Variants in PIK3C3 observed in about 807,000 individuals in gnomAD.
The protein encoded by PIK3C3 is PI3-kinase type 3.
PIK3C3 carries 95 observed loss-of-function variants against 126.1 expected under a neutral mutation model. The ratio of observed to expected loss-of-function variants is 0.75; its 90% CI spans 0.64 to 0.89. The LOEUF (loss-of-function observed/expected upper bound fraction) is 0.89, where lower values mean the gene tolerates loss of function less well. PIK3C3 is among the 40% of genes least tolerant of loss of function. The pLI is 0.00. For synonymous variants in PIK3C3, 374 were observed against 360.0 expected (o/e 1.04, Z -0.44); for missense variants, 829 against 1,063.2 (o/e 0.78, Z 3.06).
intron 10 of PIK3C3, among the ~76,000 whole-genome samples, chr18:42,009,886 G>A (rs1982739098): frequency 6.6e-6 from 1 of 152,020 alleles, no homozygotes. Flanking sequence ...GTAGTCAAGG[G>A]TCTTGCCTTG....
chr18:42,017,624 A>G (rs185001127), intron 12 of PIK3C3, among the ~76,000 whole-genome samples: 1 of 152,262 alleles, frequency 6.6e-6, no homozygotes, highest in African/African-American at 2.4e-5. Context: ...AAGCTCTTCA[A>G]TTAAGTAAAT....
chr18:42,043,264 T>TTTG, intron 19 of PIK3C3, among the ~76,000 whole-genome samples: 3 of 151,962 alleles, frequency 2.0e-5, no homozygotes, highest in Non-Finnish European at 1.5e-5. Flanking sequence ...ACGCTAATTT[T>TTTG]TGTATTTTAG....
chr18:42,002,017 A>G (rs1982314446), intron 9 of PIK3C3, among the ~76,000 whole-genome samples: 1 of 152,204 alleles, frequency 6.6e-6, no homozygotes. Context: ...GGAAGTGGAC[A>G]GCTGTCCTTG....
intron 4 of PIK3C3, among the ~76,000 whole-genome samples, chr18:41,981,669 G>A (rs549810609): frequency 6.6e-6 from 1 of 151,812 alleles, no homozygotes; most frequent in African/African-American, 2.4e-5. Flanking sequence ...ATAAATTACG[G>A]CATAGCTTGG....
chr18:41,978,016 C>T (rs1049846690), intron 4 of PIK3C3, among the ~76,000 whole-genome samples: 2 of 152,168 alleles, frequency 1.3e-5, no homozygotes, highest in African/African-American at 4.8e-5. Flanking sequence ...GGCTGGAGTG[C>T]AGTGGCACAC....
chr18:42,070,081 T>C (rs1317754837), intron 24 of PIK3C3, among the ~76,000 whole-genome samples: 1 of 152,214 alleles, frequency 6.6e-6, no homozygotes, highest in Non-Finnish European at 1.5e-5. Context: ...AGGTGTTCTC[T>C]GCATGGACTA....
At chr18:42,011,259 G>T (rs1317215450) in intron 10 of PIK3C3, among the ~76,000 whole-genome samples, 2 of 152,202 alleles carry the variant, frequency 1.3e-5, no homozygotes, top group African/African-American at 2.4e-5. Context: ...ATGGTTGTGA[G>T]AGTCTTAGAT....
intron 11 of PIK3C3, among the ~76,000 whole-genome samples, chr18:42,014,726 C>G (rs1406865966): frequency 6.6e-6 from 1 of 152,102 alleles, no homozygotes; most frequent in Non-Finnish European, 1.5e-5. Context: ...TCAGTCCAGT[C>G]ATTTAAATTA....
At chr18:42,025,506 T>G (rs1015025341) in intron 13 of PIK3C3, 1 of 152,282 alleles carries the variant, frequency 6.6e-6, no homozygotes, top group Non-Finnish European at 1.5e-5. Context: ...TTTAAGTGAT[T>G]CAAACATTTG....
chr18:42,043,845 T>TAAAG, intron 20 of PIK3C3, 28 bp downstream of exon 20: 1 of 1,486,518 alleles, frequency 6.7e-7, no homozygotes, highest in Non-Finnish European at 9.4e-7. Context: ...TTACTTTCCA[T>TAAAG]TGATCAGATA....
intron 22 of PIK3C3, among the ~76,000 whole-genome samples, chr18:42,064,066 C>G (rs1016836453): frequency 6.6e-6 from 1 of 152,132 alleles, no homozygotes; most frequent in Non-Finnish European, 1.5e-5. Context: ...AACATTTGTT[C>G]TCTTTGGAGG....
chr18:41,964,110 T>C (rs1980235670), intron 3 of PIK3C3, among the ~76,000 whole-genome samples: 2 of 152,168 alleles, frequency 1.3e-5, no homozygotes, highest in Non-Finnish European at 2.9e-5. Context: ...TATATTAAAA[T>C]CTTTGATTTA....
chr18:42,015,334 ACT>A, intron 11 of PIK3C3, 140 bp from the exon 12 acceptor site: 1 of 616,970 alleles, frequency 1.6e-6, no homozygotes, highest in Admixed American at 2.7e-5. Context: ...GTACAATGTG[ACT>A]CTAGTGTTGC....
chr18:42,046,560 A>G lies in PIK3C3; in HGVS notation c.2188+2743A>G, dbSNP rs571395191. Among the ~76,000 whole-genome samples the G allele has an allele frequency of 2.0e-5, 3 of 152,274 alleles. No individual in the cohort carries two copies. The East Asian group carries it at 5.8e-4, about 29-fold the overall frequency. Reference sequence around the variant, plus strand: ...TTTGTATCTCACATGGAATAAAAAAACTAACAACATTGTTTTGACAAGATT... The same window carrying G: ...TTTGTATCTCACATGGAATAAAAAAGCTAACAACATTGTTTTGACAAGATT... On this transcript the variant is annotated intron_variant, in intron 20 of 24. Transcript: ENST00000262039.
intron 4 of PIK3C3, chr18:41,970,792 T>C: frequency 2.3e-6 from 1 of 433,642 alleles, no homozygotes; most frequent in African/African-American, 2.0e-5. Context: ...ACTTACTATC[T>C]GTATGGATTT....
rs551421651 is a variant in PIK3C3 at position 41,993,140 on chromosome 18, G to T, written c.715-130G>T. 1.3e-5 allele frequency: 7 copies of T among 536,984 alleles called. No homozygotes were observed. In the Admixed American group the frequency reaches 2.5e-4, roughly 19 times the overall value. The allele number at this position is 536,984 out of a possible 1,614,324, so 33.3% of individuals were successfully genotyped here. ...GCATTTTATAATATTGTTAGAAGAA[G>T]ATAAGGATTTCTTTAAAGGGAAGAA... On this transcript the variant is annotated intron_variant, in intron 6 of 24. Transcript: ENST00000262039.
chr18:42,040,812 T>C, intron 19 of PIK3C3, 71 bp downstream of exon 19: 3 of 1,009,846 alleles, frequency 3.0e-6, no homozygotes, highest in Admixed American at 2.3e-5. Context: ...CTTTATAACA[T>C]AGAGTTAAAA....
intron 21 of PIK3C3, among the ~76,000 whole-genome samples, chr18:42,053,331 T>C (rs973489371): frequency 1.3e-5 from 2 of 152,218 alleles, no homozygotes; most frequent in African/African-American, 4.8e-5. Flanking sequence ...TGCTTTGTTT[T>C]TGAATACTTC....
At chr18:41,991,418 A>G (rs914527562) in intron 6 of PIK3C3, among the ~76,000 whole-genome samples, 1 of 152,170 alleles carries the variant, frequency 6.6e-6, no homozygotes, top group Non-Finnish European at 1.5e-5. Flanking sequence ...AGTATCTTCT[A>G]TTATTGTGTT....
Sources: gnomAD v4.1 joint callset for allele counts (sites outside exome capture counted in the v4.1 genomes callset) on GRCh38, gnomAD v4.1.1 for gene constraint, MANE v1.5 for transcripts, NCBI Gene and HGNC (gene_info 2026-07-23, HGNC 2026-07-21) for gene names.